Variants in SHQ1 observed in about 807,000 individuals in gnomAD.
SHQ1 encodes the protein protein SHQ1 homolog.
SHQ1 carries 49 observed loss-of-function variants against 53.8 expected under a neutral mutation model. That is an observed-to-expected ratio of 0.91 (90% confidence interval 0.72 to 1.16). SHQ1 has a LOEUF of 1.16. Ranked by LOEUF, SHQ1 falls within the 50% of genes most tolerant of loss-of-function variation. SHQ1 has a pLI of 0.00. For synonymous variants in SHQ1, 243 were observed against 251.0 expected (o/e 0.97, Z 0.30); for missense variants, 738 against 683.1 (o/e 1.08, Z -0.90).
intron 9 of SHQ1, chr3:72,794,245 C>T (rs900339839): frequency 6.6e-6 from 1 of 152,166 alleles, no homozygotes; most frequent in Non-Finnish European, 1.5e-5. Flanking sequence ...GAATCATGAG[C>T]TAGATGATGA....
At chr3:72,824,670 A>G (rs2106900021) in intron 5 of SHQ1, 119 bp from the exon 6 acceptor site, 3 of 1,166,502 alleles carry the variant, frequency 2.6e-6, no homozygotes, top group Non-Finnish European at 2.3e-6. Context: ...AGTACATTTC[A>G]AGGAAAGACT....
chr3:72,813,487 C>T (rs945865989), intron 8 of SHQ1, among the ~76,000 whole-genome samples: 2 of 147,538 alleles, frequency 1.4e-5, no homozygotes, highest in African/African-American at 2.5e-5. Flanking sequence ...AAAAAAAGGC[C>T]GGGTGCGGTG....
downstream of SHQ1, among the ~76,000 whole-genome samples, chr3:72,748,302 G>C (rs1705290784): frequency 8.5e-6 from 1 of 117,402 alleles, no homozygotes; most frequent in East Asian, 3.1e-4. Flanking sequence ...ACAAAGTGTG[G>C]CATCCAATCA....
intron 5 of SHQ1, among the ~76,000 whole-genome samples, chr3:72,824,769 A>T (rs1468649036): frequency 6.6e-6 from 1 of 151,090 alleles, no homozygotes; most frequent in African/African-American, 2.4e-5. Context: ...CTAAAGGGAT[A>T]TATAACATTG....
intron 4 of SHQ1, among the ~76,000 whole-genome samples, chr3:72,834,258 G>A (rs6764665): frequency 0.33 from 50,636 of 152,178 alleles, 10,567 homozygotes; most frequent in African/African-American, 0.59. Flanking sequence ...GCCGGGCCCA[G>A]TGGCTCATGC....
chr3:72,741,625 T>G, the SHQ1 span, among the ~76,000 whole-genome samples: 1 of 150,994 alleles, frequency 6.6e-6, no homozygotes, highest in East Asian at 2.0e-4. Flanking sequence ...GATAGGCCCC[T>G]GCTTGACATG....
intron 4 of SHQ1, among the ~76,000 whole-genome samples, chr3:72,835,457 C>CA (rs1351337029): frequency 2.6e-5 from 4 of 152,244 alleles, no homozygotes; most frequent in Non-Finnish European, 4.4e-5. Context: ...TTGCTAATAG[C>CA]AATTTTAAAA....
chr3:72,825,685 T>C (rs749255661), intron 5 of SHQ1, among the ~76,000 whole-genome samples: 2 of 152,192 alleles, frequency 1.3e-5, no homozygotes, highest in African/African-American at 4.8e-5. Context: ...GTATAACTCA[T>C]GGTGAAAATT....
chr3:72,841,297 A>C, intron 3 of SHQ1, 98 bp from the exon 4 acceptor site: 1 of 882,890 alleles, frequency 1.1e-6, no homozygotes, highest in Non-Finnish European at 1.7e-6. Context: ...GATGTACCAA[A>C]AGACATATAC....
At chr3:72,840,451 G>A (rs1320016141) in intron 4 of SHQ1, among the ~76,000 whole-genome samples, 1 of 151,496 alleles carries the variant, frequency 6.6e-6, no homozygotes, top group Admixed American at 6.6e-5. Flanking sequence ...AGCTACTCAG[G>A]AGGCTGAGGC....
chr3:72,846,321 G>C (rs748260132), intron 1 of SHQ1: 1 of 1,490,328 alleles, frequency 6.7e-7, no homozygotes, highest in Non-Finnish European at 8.9e-7. Context: ...TTTTTAGACA[G>C]TCTCGCTCTG....
chr3:72,753,697 C>A (rs1705437793), intron 10 of SHQ1: 1 of 908,502 alleles, frequency 1.1e-6, no homozygotes, highest in Non-Finnish European at 1.3e-6. Flanking sequence ...AAGGTGAGAT[C>A]CACTAGAGTC....
chr3:72,739,079 G>T, the SHQ1 span, among the ~76,000 whole-genome samples: 1 of 152,240 alleles, frequency 6.6e-6, no homozygotes, highest in African/African-American at 2.4e-5. Flanking sequence ...TGATCCGGGA[G>T]CGTGGGAGCA....
intron 4 of SHQ1, among the ~76,000 whole-genome samples, chr3:72,840,262 A>T (rs1010880988): frequency 6.6e-6 from 1 of 150,664 alleles, no homozygotes; most frequent in Non-Finnish European, 1.5e-5. Context: ...AAAAAAAAAA[A>T]AAAGAATAAA....
chr3:72,846,917 C>A (rs1211167708), intron 1 of SHQ1, among the ~76,000 whole-genome samples: 1 of 152,206 alleles, frequency 6.6e-6, no homozygotes, highest in Non-Finnish European at 1.5e-5. Context: ...CCATAATCTT[C>A]TTCCTATTCT....
At chr3:72,745,444 G>C (rs1215577386), downstream of SHQ1, among the ~76,000 whole-genome samples, 1 of 152,196 alleles carries the variant, frequency 6.6e-6, no homozygotes, top group Non-Finnish European at 1.5e-5. Context: ...AATGGGACAA[G>C]AGAGACAGAA....
At chr3:72,810,381 T>C (rs774538156) in intron 9 of SHQ1, among the ~76,000 whole-genome samples, 8 of 152,354 alleles carry the variant, frequency 5.3e-5, no homozygotes, top group Non-Finnish European at 8.8e-5. Context: ...TAAAGGCTAC[T>C]GTGAAGTCAC....
chr3:72,731,978 C>T, the SHQ1 span, among the ~76,000 whole-genome samples: 1 of 151,638 alleles, frequency 6.6e-6, no homozygotes, highest in Non-Finnish European at 1.5e-5. Context: ...CTTCCCACCC[C>T]CATTCAGGCT....
chr3:72,768,041 G>A (rs1053174837), intron 10 of SHQ1, among the ~76,000 whole-genome samples: 3 of 151,778 alleles, frequency 2.0e-5, no homozygotes, highest in Admixed American at 2.0e-4. Context: ...GCCCTAGAAG[G>A]AGCAGTTTAC....
Sources: allele counts gnomAD v4.1 joint callset (sites outside exome capture counted in the v4.1 genomes callset), GRCh38; gene constraint gnomAD v4.1.1; transcripts MANE v1.5; gene names NCBI Gene and HGNC (gene_info 2026-07-23, HGNC 2026-07-21).